Variants in NXPH1 observed in about 807,000 individuals in gnomAD.
NXPH1 encodes the protein neurexophilin-1.
In NXPH1, 5 loss-of-function variants were observed where a neutral mutation model predicts 23.7. That is an observed-to-expected ratio of 0.21 (90% CI 0.11 to 0.44). NXPH1 has a LOEUF of 0.44. Ranked by LOEUF, NXPH1 falls within the 20% of genes least tolerant of loss-of-function variation. NXPH1 has a pLI of 0.99. For missense variants in NXPH1, 324 were observed against 321.6 expected, an observed-to-expected ratio of 1.01 and a Z score of -0.06; for synonymous variants, 144 against 122.2, an observed-to-expected ratio of 1.18 and a Z score of -1.18.
intron 2 of NXPH1, among the ~76,000 whole-genome samples, chr7:8,536,299 G>A (rs904194587): frequency 6.6e-6 from 1 of 152,080 alleles, no homozygotes; most frequent in Admixed American, 6.6e-5. Context: ...ATCACATATT[G>A]AGGGGAGTAA....
chr7:8,739,089 G>T (rs1251051574), intron 2 of NXPH1, among the ~76,000 whole-genome samples: 1 of 139,434 alleles, frequency 7.2e-6, no homozygotes, highest in African/African-American at 2.7e-5. Context: ...CACTGAGCAA[G>T]ACCACTTGGC....
At chr7:8,497,755 G>A (rs1325561788) in intron 2 of NXPH1, among the ~76,000 whole-genome samples, 1 of 152,042 alleles carries the variant, frequency 6.6e-6, no homozygotes, top group Non-Finnish European at 1.5e-5. Context: ...TGTAGATTCT[G>A]GATATTAGCC....
chr7:8,632,110 T>C (rs4279498), intron 2 of NXPH1, among the ~76,000 whole-genome samples: 41,755 of 151,900 alleles, frequency 0.27, 6,166 homozygotes, highest in African/African-American at 0.35. Context: ...GTCCATCAGA[T>C]GGCTGTGGTA....
Position 8,734,800 on chromosome 7 carries a change from A to C in NXPH1, c.55-16208A>C, listed in dbSNP as rs528650490. 2.6e-5 allele frequency among the ~76,000 whole-genome samples: 4 copies of C among 151,460 alleles called. No homozygotes were observed. The South Asian group carries it at 8.4e-4, about 32-fold the overall frequency. Reference sequence around the variant, plus strand: ...TAATATTGACCGTGGGGTATTAAAGACTCCCACTTTTGTGTGGAAGTCTAA... The same window carrying C: ...TAATATTGACCGTGGGGTATTAAAGCCTCCCACTTTTGTGTGGAAGTCTAA... On this transcript the variant is annotated intron_variant, in intron 2 of 2. Coordinates refer to ENST00000405863, the MANE Select transcript of NXPH1 (RefSeq NM_152745.3).
chr7:8,517,475 G>A (rs963155382), intron 2 of NXPH1, among the ~76,000 whole-genome samples: 1 of 152,110 alleles, frequency 6.6e-6, no homozygotes, highest in Non-Finnish European at 1.5e-5. Flanking sequence ...TGTTTCTGGG[G>A]GAGCCCATCT....
chr7:8,736,777 G>T (rs1780264440), intron 2 of NXPH1, among the ~76,000 whole-genome samples: 1 of 152,078 alleles, frequency 6.6e-6, no homozygotes, highest in Admixed American at 6.6e-5. Flanking sequence ...CTTTTTAGGT[G>T]TCTAAAAATT....
chr7:8,693,659 T>C (rs1821257772), intron 2 of NXPH1, among the ~76,000 whole-genome samples: 1 of 152,188 alleles, frequency 6.6e-6, no homozygotes, highest in Non-Finnish European at 1.5e-5. Flanking sequence ...GAAAAGGCAA[T>C]CAATAAATAT....
At chr7:8,466,807 C>T (rs765985745) in intron 2 of NXPH1, among the ~76,000 whole-genome samples, 1 of 152,128 alleles carries the variant, frequency 6.6e-6, no homozygotes, top group Non-Finnish European at 1.5e-5. Context: ...TTCCGACCTG[C>T]CCCTCCCACC....
rs570679615 is a variant in NXPH1 at position 8,611,703 on chromosome 7, A to G, written c.55-139305A>G. On this transcript the variant is annotated intron_variant, in intron 2 of 2. Coordinates refer to ENST00000405863, the MANE Select transcript of NXPH1 (RefSeq NM_152745.3). ...TCAATAACTCCAATGATCTCTTGGTATGTTGGAATGCATAATTTTGCCAAA... is the reference window on the plus strand; with the variant it reads ...TCAATAACTCCAATGATCTCTTGGTGTGTTGGAATGCATAATTTTGCCAAA... Among the ~76,000 whole-genome samples, 4 of 152,264 alleles carry G rather than the reference A, an allele frequency of 2.6e-5. No homozygotes were observed. In the East Asian group the frequency reaches 5.8e-4, roughly 22 times the overall value.
At chr7:8,607,649 A>G (rs112784213) in intron 2 of NXPH1, among the ~76,000 whole-genome samples, 3,896 of 152,266 alleles carry the variant, frequency 0.026, 111 homozygotes, top group African/African-American at 0.063. Flanking sequence ...ATACTCAGCT[A>G]TGATGGTTTT....
intron 2 of NXPH1, among the ~76,000 whole-genome samples, chr7:8,715,911 G>A (rs1779868447): frequency 6.6e-6 from 1 of 152,030 alleles, no homozygotes; most frequent in African/African-American, 2.4e-5. Context: ...ATATGTGTGT[G>A]TTTGTGTGTG....
At chr7:8,736,005 C>T (rs1026766918) in intron 2 of NXPH1, among the ~76,000 whole-genome samples, 4 of 151,782 alleles carry the variant, frequency 2.6e-5, no homozygotes, top group Non-Finnish European at 4.4e-5. Flanking sequence ...TTTTATTGTG[C>T]CTATTCGATT....
At chr7:8,588,861 C>G (rs17151821) in intron 2 of NXPH1, among the ~76,000 whole-genome samples, 10,098 of 152,096 alleles carry the variant, frequency 0.066, 725 homozygotes, top group African/African-American at 0.17. Context: ...ATTTAGAACA[C>G]TTTGGAACTT....
chr7:8,446,492 G>A (rs958634282), intron 2 of NXPH1, among the ~76,000 whole-genome samples: 18 of 152,136 alleles, frequency 1.2e-4, no homozygotes, highest in Non-Finnish European at 2.5e-4. Context: ...TATGAGTTAT[G>A]TATTGTTGAT....
chr7:8,469,625 G>A (rs190368824), intron 2 of NXPH1, among the ~76,000 whole-genome samples: 2 of 152,090 alleles, frequency 1.3e-5, no homozygotes, highest in East Asian at 3.9e-4. Context: ...ATCTTATATT[G>A]AATAAGCTAA....
intron 2 of NXPH1, among the ~76,000 whole-genome samples, chr7:8,712,579 T>C (rs1779813771): frequency 6.6e-6 from 1 of 152,098 alleles, no homozygotes; most frequent in Non-Finnish European, 1.5e-5. Context: ...AAGCACAGAC[T>C]AAGCATTAAA....
At chr7:8,549,744 AACTT>A (rs547612932) in intron 2 of NXPH1, among the ~76,000 whole-genome samples, 100 of 151,710 alleles carry the variant, frequency 6.6e-4, no homozygotes, top group Middle Eastern at 6.8e-3. Flanking sequence ...TTAGCTAATT[AACTT>A]ACTTAATCTG....
intron 2 of NXPH1, among the ~76,000 whole-genome samples, chr7:8,608,910 T>C: frequency 6.6e-6 from 1 of 152,148 alleles, no homozygotes; most frequent in Non-Finnish European, 1.5e-5. Flanking sequence ...AGGTACAACA[T>C]TAAAATGAGA....
intron 2 of NXPH1, among the ~76,000 whole-genome samples, chr7:8,735,573 A>T (rs571893975): frequency 1.2e-4 from 18 of 152,312 alleles, no homozygotes; most frequent in African/African-American, 3.6e-4. Context: ...ATTGATGTTC[A>T]TCAGGGATAT....
Sources: allele counts gnomAD v4.1 joint callset (sites outside exome capture counted in the v4.1 genomes callset), GRCh38; gene constraint gnomAD v4.1.1; transcripts MANE v1.5; gene names NCBI Gene and HGNC (gene_info 2026-07-23, HGNC 2026-07-21).